The following FAM120B variants were observed in gnomAD, a reference collection of about 807,000 sequenced individuals.
FAM120B encodes family with sequence similarity 120 member B.
A neutral mutation model predicts 96.3 loss-of-function variants in FAM120B; 83 were observed. The ratio of observed to expected loss-of-function variants is 0.86; its 90% confidence interval spans 0.72 to 1.03. The LOEUF (loss-of-function observed/expected upper bound fraction) is 1.03. Among genes scored for constraint, FAM120B ranks in the 50% least tolerant of loss-of-function variants. The probability of loss-of-function intolerance (pLI) is 0.00; values close to 1 mark genes in which losing one functional copy is unlikely to be tolerated. For missense variants in FAM120B, 1,027 were observed against 1,121.2 expected (o/e 0.92, Z 1.20); for synonymous variants, 407 against 402.7 (o/e 1.01, Z -0.13).
intron 4 of FAM120B, among the ~76,000 whole-genome samples, chr6:170,335,246 C>T (rs754811223): frequency 6.6e-6 from 1 of 151,892 alleles, no homozygotes; most frequent in Admixed American, 6.6e-5. Context: ...TGTGATGTTC[C>T]CCTCCCTGTG....
chr6:170,370,800 T>G lies in FAM120B; in HGVS notation c.2283+12482T>G, dbSNP rs1789139734. 6.6e-6 allele frequency among the ~76,000 whole-genome samples: 1 copy of G among 152,210 alleles called. No individual in the cohort carries two copies. The highest frequency in any genetic ancestry group is 2.1e-4 in the South Asian group (1 of 4,832). ...GTAGCTTTACATGTATAAATACAAT[T>G]ATTCCTATTCTTCATTATGCTGAGG... On this transcript the variant is annotated intron_variant, in intron 6 of 10. Coordinates refer to ENST00000476287, the MANE Select transcript of FAM120B (RefSeq NM_032448.3). The surrounding 1 kb of genome is among the most constrained non-coding windows in gnomAD (Gnocchi z 4.3).
At chr6:170,335,771 T>C (rs1043959843) in intron 4 of FAM120B, among the ~76,000 whole-genome samples, 1 of 152,248 alleles carries the variant, frequency 6.6e-6, no homozygotes, top group African/African-American at 2.4e-5. Flanking sequence ...TGGTATCTCA[T>C]TGTGGTTTTA....
rs1448197798 is a variant in FAM120B at position 170,317,980 on chromosome 6, G to A, written c.590G>A (p.Cys197Tyr). 50 of 1,613,676 alleles carry A rather than the reference G, an allele frequency of 3.1e-5. No individual in the cohort carries two copies. The highest frequency in any genetic ancestry group is 4.1e-5 in the Non-Finnish European group (48 of 1,179,804). ...TCPYFSISEL[C>Y]LESLDTVMLC... ...CCCTACTTTTCAATTAGCGAGCTCT[G>A]CCTAGAGAGCCTGGACACCGTCATG... The change falls in exon 2 of 11, where the codon TGC becomes TAC. Residue 197 changes from cysteine to tyrosine, a missense_variant. By Grantham distance (194) the Cys-to-Tyr change is radical (BLOSUM62 -2). Transcript: ENST00000476287.
chr6:170,305,896 T>A (rs541131870), upstream of FAM120B, among the ~76,000 whole-genome samples: 13 of 152,116 alleles, frequency 8.5e-5, no homozygotes, highest in Non-Finnish European at 1.3e-4. Context: ...GAAATAAGAC[T>A]GAGATTGTGG....
intron 1 of FAM120B, among the ~76,000 whole-genome samples, chr6:170,299,761 T>C (rs1475600816): frequency 6.6e-6 from 1 of 152,244 alleles, no homozygotes; most frequent in Admixed American, 6.5e-5. Flanking sequence ...AGATTCTCTC[T>C]CTTATAATCA....
chr6:170,321,800 T>A (rs1785307483), intron 2 of FAM120B, among the ~76,000 whole-genome samples: 1 of 152,230 alleles, frequency 6.6e-6, no homozygotes, highest in African/African-American at 2.4e-5. Flanking sequence ...GGCACGTTTT[T>A]ATTCAACCCA....
intron 1 of FAM120B, among the ~76,000 whole-genome samples, chr6:170,316,058 C>A (rs1163125647): frequency 5.6e-3 from 509 of 91,674 alleles, no homozygotes; most frequent in East Asian, 0.015. Flanking sequence ...GACCCGGTCT[C>A]AAAAAAAAAA....
intron 6 of FAM120B, among the ~76,000 whole-genome samples, chr6:170,378,330 C>T (rs1235051784): frequency 2.6e-5 from 4 of 152,130 alleles, no homozygotes; most frequent in Non-Finnish European, 5.9e-5. Flanking sequence ...GACTTGAGAG[C>T]CCAAGGCTTT....
Position 170,318,710 on chromosome 6 carries a change from TAC to T in FAM120B, c.1322_1323del (p.Thr441ArgfsTer3). On this transcript the variant is annotated frameshift_variant, in exon 2 of 11. Coordinates refer to ENST00000476287, the MANE Select transcript of FAM120B (RefSeq NM_032448.3). LOFTEE classifies it high-confidence loss of function. Reference protein sequence around the residue: ...SEPRQEVPMYTDSEPRQEVPM... With the variant: ...SEPRQEVPMYXDSEPRQEVPM... The stretch of plus-strand genomic sequence containing the variant: ...AACCCAGGCAAGAAGTTCCCATGTA[TAC>T]AGACTCTGAACCCAGGCAAGAAGTT... The T allele has an allele frequency of 6.3e-7, 1 of 1,595,874 alleles. No individual in the cohort carries two copies. Among genetic ancestry groups the T allele is most frequent in the Non-Finnish European group, 8.5e-7 (1 of 1,170,514 alleles).
intron 5 of FAM120B, among the ~76,000 whole-genome samples, chr6:170,351,848 C>T (rs1328569815): frequency 6.6e-6 from 1 of 152,182 alleles, no homozygotes; most frequent in Non-Finnish European, 1.5e-5. Flanking sequence ...CTGAAGTACA[C>T]AGACCAGTGA....
Position 170,376,941 on chromosome 6 carries a change from T to C in FAM120B, c.2284-11346T>C, listed in dbSNP as rs200922592. Among the ~76,000 whole-genome samples, 97 of 126,506 alleles carry C rather than the reference T, an allele frequency of 7.7e-4. 4 individuals carry two copies. The East Asian group carries it at 0.013, about 17-fold the overall frequency. The allele number at this position is 126,506 out of a possible 152,430, so 83.0% of individuals were successfully genotyped here. A position where few individuals can be genotyped will look rare whatever the true frequency, so the allele number is the denominator to read the frequency against. On this transcript the variant is annotated intron_variant, in intron 6 of 10. Transcript: ENST00000476287. ...ACACGCGTCCCTAAACCCAGACGCC[T>C]GGGAGAGCACGAGCTCAGGGCTGCT...
chr6:170,325,987 T>TA (rs1785568331), intron 3 of FAM120B, among the ~76,000 whole-genome samples: 1 of 152,180 alleles, frequency 6.6e-6, no homozygotes. Flanking sequence ...ACTAGCAATG[T>TA]AAAAACCTTG....
intron 5 of FAM120B, among the ~76,000 whole-genome samples, chr6:170,351,304 A>T (rs1157192917): frequency 1.3e-5 from 2 of 152,222 alleles, no homozygotes; most frequent in Non-Finnish European, 2.9e-5. Context: ...ATGTGAAGAG[A>T]CCAAACTTAT....
At chr6:170,365,493 T>A (rs542506183) in intron 6 of FAM120B, among the ~76,000 whole-genome samples, 20 of 152,350 alleles carry the variant, frequency 1.3e-4, no homozygotes, top group Non-Finnish European at 2.6e-4. Flanking sequence ...AATGTCCACC[T>A]GAAGAAAGAG....
In FAM120B at chr6:170,340,437, T is replaced by C. The variant is rs139901560; in HGVS notation, c.2018-7714T>C. 2.1e-3 allele frequency among the ~76,000 whole-genome samples: 322 copies of C among 152,336 alleles called. 5 individuals carry two copies. The highest frequency in any genetic ancestry group is 7.5e-3 in the African/African-American group (314 of 41,592). On this transcript the variant is annotated intron_variant, in intron 4 of 10. Transcript: ENST00000476287. ...AGCTTCCTTGCATTGGGTTAGAACA[T>C]GCTCCTTTAGCTCAGAGGAGTTTGT...
chr6:170,317,670 G>A lies in FAM120B; in HGVS notation c.280G>A (p.Glu94Lys). 1.9e-6 allele frequency: 3 copies of A among 1,614,182 alleles called. No homozygotes were observed. Among genetic ancestry groups the A allele is most frequent in the East Asian group, 2.2e-5 (1 of 44,884 alleles). Residue 94 changes from glutamate (E) to lysine (K), a missense_variant, in exon 2 of 11, where the codon GAG becomes AAG. By Grantham distance (56) the Glu-to-Lys change is moderately conservative (BLOSUM62 1). Coordinates refer to ENST00000476287, the MANE Select transcript of FAM120B (RefSeq NM_032448.3). Reference protein sequence around the residue: ...KLIFFFDGMVEQDKRDEWVKR... With the variant: ...KLIFFFDGMVKQDKRDEWVKR... ...GATATTCTTCTTTGATGGCATGGTG[G>A]AGCAGGATAAGAGAGATGAATGGGT...
intron 5 of FAM120B, among the ~76,000 whole-genome samples, chr6:170,354,769 A>G (rs200946207): frequency 1.1e-4 from 8 of 73,902 alleles, no homozygotes; most frequent in African/African-American, 3.5e-4. Context: ...AAAAAAAAAG[A>G]AAAAAAAAAA....
chr6:170,349,061 A>G (rs900937603), intron 5 of FAM120B, among the ~76,000 whole-genome samples: 6 of 152,256 alleles, frequency 3.9e-5, no homozygotes, highest in Non-Finnish European at 7.3e-5. Context: ...AGTTTTCTAC[A>G]TGCACAATAG....
At chr6:170,320,512 A>G (rs902557855) in intron 2 of FAM120B, among the ~76,000 whole-genome samples, 1 of 152,230 alleles carries the variant, frequency 6.6e-6, no homozygotes, top group Non-Finnish European at 1.5e-5. Context: ...AAGTGAAACT[A>G]ATAAATAAGT....
Sources: gnomAD v4.1 joint callset for allele counts (sites outside exome capture counted in the v4.1 genomes callset) on GRCh38, gnomAD v4.1.1 for gene constraint, Gnocchi (gnomAD v3.1) non-coding constraint, MANE v1.5 for transcripts, NCBI Gene and HGNC (gene_info 2026-07-23, HGNC 2026-07-21) for gene names.